The following EFCAB12 variants were observed in gnomAD, a reference collection of about 807,000 sequenced individuals.
The protein encoded by EFCAB12 is EF-hand calcium-binding domain-containing protein 12.
Under a neutral mutation model 53.6 loss-of-function variants are expected in EFCAB12, and 43 were observed. The observed-to-expected ratio is 0.80, with a 90% CI of 0.63 to 1.03. EFCAB12 has a LOEUF of 1.03. Ranked by LOEUF, EFCAB12 falls within the 50% of genes least tolerant of loss-of-function variation. The pLI is 0.00. For missense variants in EFCAB12, 646 were observed against 730.6 expected (o/e 0.88, Z 1.34); for synonymous variants, 269 against 289.2 (o/e 0.93, Z 0.71).
In EFCAB12 at chr3:129,428,622, C is replaced by A; in HGVS notation, c.-134G>T. 1 of 1,092,184 alleles carries A rather than the reference C, an allele frequency of 9.2e-7. No individual in the cohort carries two copies. The highest frequency in any genetic ancestry group is 1.3e-6 in the Non-Finnish European group (1 of 766,710). 67.7% of individuals were successfully genotyped at this position (1,092,184 alleles called of 1,614,324 possible). ...TGCGAAAGGCGCTCAGCTCAGACTG[C>A]AGAAGCAACCTGTTGCCGTGGCTAC... On this transcript the variant is annotated 5_prime_UTR_variant, in exon 1 of 9. Coordinates refer to ENST00000505956, the MANE Select transcript of EFCAB12 (RefSeq NM_207307.3).
At position 129,426,372 on chromosome 3, in the gene EFCAB12, T is replaced by G. The variant is rs563310210; in HGVS notation, c.49+2068A>C. Among the ~76,000 whole-genome samples the G allele has an allele frequency of 2.3e-3, 329 of 145,390 alleles. 2 individuals carry two copies. The highest frequency in any genetic ancestry group is 6.7e-3 in the African/African-American group (265 of 39,706). On this transcript the variant is annotated intron_variant, in intron 1 of 8. Transcript: ENST00000505956. ...GGGTTTTTTTTTGTTTTTTTTTTTT[T>G]TTTTTTTTTTGAGACGGACTCTTGC...
chr3:129,411,211 C>T lies in EFCAB12; in HGVS notation c.982G>A (p.Glu328Lys), dbSNP rs764013860. The change falls in exon 5 of 9, where the codon GAG (glutamate) becomes AAG (lysine). Residue 328 changes from glutamate (E) to lysine (K), a missense_variant. Coordinates refer to ENST00000505956, the MANE Select transcript of EFCAB12 (RefSeq NM_207307.3). ...CGCTTGCCCACTTCCTCCATCTCCT[C>T]CAGGGTCATGGGCCGCGTCTCCATC... ...TQMETRPMTL[E>K]EMEEVGKRYR... The T allele has an allele frequency of 5.0e-6, 8 of 1,613,314 alleles. No individual in the cohort carries two copies. Among genetic ancestry groups the T allele is most frequent in the Non-Finnish European group, 6.8e-6 (8 of 1,179,694 alleles).
chr3:129,401,714 ACACAACTGAAG>A lies in EFCAB12; in HGVS notation c.1587_1597del (p.Phe530SerfsTer14), dbSNP rs779853766. On this transcript the variant is annotated frameshift_variant, in exon 9 of 9. Coordinates refer to ENST00000505956, the MANE Select transcript of EFCAB12 (RefSeq NM_207307.3). LOFTEE classifies it low-confidence loss of function (END_TRUNC). The stretch of plus-strand genomic sequence containing the variant: ...TGGGTAGACATGGGGCTGGTGTTGA[ACACAACTGAAG>A]AGCGCCAGGCTCCGGTCTGTGGCCA... 6.3e-7 allele frequency: 1 copy of A among 1,597,022 alleles called. No homozygotes were observed. Among genetic ancestry groups the A allele is most frequent in the Non-Finnish European group, 8.5e-7 (1 of 1,171,838 alleles).
intron 2 of EFCAB12, among the ~76,000 whole-genome samples, chr3:129,420,047 A>G (rs971075140): frequency 1.3e-5 from 2 of 152,218 alleles, no homozygotes; most frequent in African/African-American, 4.8e-5. Flanking sequence ...GTACAGCTGC[A>G]TTTCTAACCC....
At chr3:129,403,997 T>G in intron 7 of EFCAB12, 1 of 376,156 alleles carries the variant, frequency 2.7e-6, no homozygotes, top group Non-Finnish European at 4.8e-6. Context: ...AACCTTATGA[T>G]TGTGCAGGAC....
intron 5 of EFCAB12, among the ~76,000 whole-genome samples, chr3:129,409,312 G>A (rs1049442516): frequency 2.6e-5 from 4 of 152,248 alleles, no homozygotes; most frequent in Middle Eastern, 3.4e-3. Flanking sequence ...GCATGGTGGC[G>A]CGCGCCTGTA....
intron 1 of EFCAB12, 132 bp from the exon 2 acceptor site, chr3:129,421,935 G>T: frequency 2.2e-6 from 2 of 919,586 alleles, no homozygotes; most frequent in Non-Finnish European, 3.2e-6. Flanking sequence ...TCATTGTCTT[G>T]CTGTAATCGT....
At chr3:129,402,744 C>T in intron 7 of EFCAB12, 165 bp from the exon 8 acceptor site, 1 of 650,252 alleles carries the variant, frequency 1.5e-6, no homozygotes, top group Admixed American at 3.0e-5. Flanking sequence ...CTCTGTGCCT[C>T]CATGCTCCAG....
At chr3:129,410,409 T>G (rs1272236958) in intron 5 of EFCAB12, among the ~76,000 whole-genome samples, 4 of 151,724 alleles carry the variant, frequency 2.6e-5, no homozygotes, top group Non-Finnish European at 5.9e-5. Flanking sequence ...CTCAACCTCC[T>G]GGGCTCAGGC....
At chr3:129,408,577 GC>G in intron 6 of EFCAB12, 67 bp downstream of exon 6, 2 of 1,494,092 alleles carry the variant, frequency 1.3e-6, no homozygotes, top group Non-Finnish European at 1.8e-6. Flanking sequence ...GCCCTGGGTG[GC>G]ATCACCCTCA....
At chr3:129,407,868 C>T (rs147000780) in intron 6 of EFCAB12, among the ~76,000 whole-genome samples, 9 of 152,330 alleles carry the variant, frequency 5.9e-5, no homozygotes, top group East Asian at 5.8e-4. Context: ...GAGCCGCAAT[C>T]GCACTACTAC....
chr3:129,425,592 C>A (rs983908569), intron 1 of EFCAB12, among the ~76,000 whole-genome samples: 1 of 152,188 alleles, frequency 6.6e-6, no homozygotes, highest in African/African-American at 2.4e-5. Context: ...GCCCCTGACC[C>A]CACTTTCCAA....
At chr3:129,419,979 T>G (rs189589042) in intron 2 of EFCAB12, among the ~76,000 whole-genome samples, 97 of 152,298 alleles carry the variant, frequency 6.4e-4, no homozygotes, top group Admixed American at 3.3e-3. Context: ...TAATTCACAA[T>G]AAGGAATCAG....
chr3:129,402,439 G>A (rs2071884830), intron 8 of EFCAB12, 84 bp downstream of exon 8: 1 of 1,440,922 alleles, frequency 6.9e-7, no homozygotes. Flanking sequence ...TGTTGTGCCA[G>A]GAGTGCAGAG....
intron 7 of EFCAB12, 155 bp downstream of exon 7, chr3:129,404,095 T>A: frequency 1.0e-6 from 1 of 976,446 alleles, no homozygotes; most frequent in Non-Finnish European, 1.5e-6. Flanking sequence ...GACTGGCCAG[T>A]CTGCAGTGAG....
At chr3:129,415,665 C>T (rs1325608250) in intron 3 of EFCAB12, among the ~76,000 whole-genome samples, 1 of 152,188 alleles carries the variant, frequency 6.6e-6, no homozygotes. Context: ...AAAGTCCAGT[C>T]CAGATGTCAC....
At chr3:129,427,128 T>C (rs1486688488) in intron 1 of EFCAB12, among the ~76,000 whole-genome samples, 2 of 152,172 alleles carry the variant, frequency 1.3e-5, no homozygotes, top group African/African-American at 2.4e-5. Flanking sequence ...ATTACAGGCG[T>C]GAGCCACCCC....
chr3:129,408,712 G>A lies in EFCAB12; in HGVS notation c.1182C>T (p.Val394=). Residue 394 remains valine (V), a synonymous_variant, in exon 6 of 9, where the codon GTC becomes GTT. Coordinates refer to ENST00000505956, the MANE Select transcript of EFCAB12 (RefSeq NM_207307.3). ...TACAGAGCTTCCAGCATTGCAGGTA[G>A]ACCAGAAAGTTGTGCCTGCGGGCCG... ...IDSARRHNFL[V]YLQCWKLCKS... is the part of the protein sequence containing the mutation. The A allele has an allele frequency of 2.5e-6, 4 of 1,589,100 alleles. No individual in the cohort carries two copies. Among genetic ancestry groups the A allele is most frequent in the Non-Finnish European group, 3.4e-6 (4 of 1,166,842 alleles).
intron 2 of EFCAB12, 120 bp downstream of exon 2, chr3:129,421,247 T>C: frequency 8.6e-7 from 1 of 1,166,548 alleles, no homozygotes; most frequent in African/African-American, 1.6e-5. Context: ...CTCTCAAGAC[T>C]TCTGTTTGCT....
Sources: allele counts gnomAD v4.1 joint callset (sites outside exome capture counted in the v4.1 genomes callset), GRCh38; gene constraint gnomAD v4.1.1; transcripts MANE v1.5; gene names NCBI Gene and HGNC (gene_info 2026-07-23, HGNC 2026-07-21).